Variants in PXDNL observed in about 807,000 individuals in gnomAD.
The protein encoded by PXDNL is peroxidasin like.
Under a neutral mutation model 150.8 loss-of-function variants are expected in PXDNL, and 145 were observed. The observed-to-expected ratio is 0.96, with a 90% CI of 0.84 to 1.10. PXDNL has a LOEUF of 1.10. Among genes scored for constraint, PXDNL ranks in the 50% least tolerant of loss-of-function variants. The pLI, the probability that PXDNL is intolerant of heterozygous loss-of-function variation, is 0.00. For missense variants in PXDNL, 2,087 were observed against 1,873.9 expected, an observed-to-expected ratio of 1.11 and a Z score of -2.10; for synonymous variants, 757 against 725.7, an observed-to-expected ratio of 1.04 and a Z score of -0.69.
At chr8:51,378,757 G>C (rs905028555) in intron 17 of PXDNL, among the ~76,000 whole-genome samples, 3 of 149,416 alleles carry the variant, frequency 2.0e-5, no homozygotes, top group Admixed American at 6.6e-5. Context: ...CACACGTGCG[G>C]CCTTAAGAGC....
At chr8:51,571,086 T>C (rs1290460829) in intron 3 of PXDNL, among the ~76,000 whole-genome samples, 4 of 149,904 alleles carry the variant, frequency 2.7e-5, no homozygotes, top group African/African-American at 1.0e-4. Context: ...TTATATCAGT[T>C]CTTTTTTTTT....
chr8:51,371,928 C>A lies in PXDNL; in HGVS notation c.3846G>T (p.Leu1282=). 1.9e-6 allele frequency: 3 copies of A among 1,614,002 alleles called. No individual in the cohort carries two copies. The highest frequency in any genetic ancestry group is 2.5e-6 in the Non-Finnish European group (3 of 1,179,900). The stretch of plus-strand genomic sequence containing the variant: ...CCACCTTCGGGATCTCGCTGCAGTT[C>A]AGGTAATCCTGTGGGTATTCTGCCT... ...FVKAEYPQDY[L]NCSEIPKVDL... Residue 1282 remains leucine (L), a synonymous_variant, in exon 19 of 23, where the codon CTG becomes CTT. Transcript: ENST00000356297.
At chr8:51,332,328 C>A (rs1031481628) in intron 21 of PXDNL, among the ~76,000 whole-genome samples, 2 of 152,162 alleles carry the variant, frequency 1.3e-5, no homozygotes, top group Admixed American at 6.5e-5. Flanking sequence ...ATCTGAACAA[C>A]AGCCTTCAGC....
At chr8:51,681,239 AC>A (rs149283993) in intron 1 of PXDNL, among the ~76,000 whole-genome samples, 4,263 of 151,812 alleles carry the variant, frequency 0.028, 222 homozygotes, top group African/African-American at 0.098. Context: ...CATCCCCAAG[AC>A]CCCAGCCCCC....
intron 17 of PXDNL, among the ~76,000 whole-genome samples, chr8:51,381,259 A>C (rs1341772643): frequency 1.3e-5 from 2 of 152,210 alleles, no homozygotes; most frequent in Non-Finnish European, 2.9e-5. Context: ...GCATATGTCA[A>C]AACTTTTTCT....
At chr8:51,410,570 G>A (rs189127139) in intron 16 of PXDNL, among the ~76,000 whole-genome samples, 8 of 152,268 alleles carry the variant, frequency 5.3e-5, no homozygotes, top group Admixed American at 2.0e-4. Context: ...ACCACGTCTC[G>A]GTTGATTTCC....
At chr8:51,543,571 G>C (rs959897854) in intron 4 of PXDNL, among the ~76,000 whole-genome samples, 4 of 152,054 alleles carry the variant, frequency 2.6e-5, no homozygotes, top group Admixed American at 2.0e-4. Flanking sequence ...AATTTGCCGG[G>C]CATGGTGGTG....
At chr8:51,658,367 G>A (rs1365986363) in intron 1 of PXDNL, among the ~76,000 whole-genome samples, 132 of 58,604 alleles carry the variant, frequency 2.3e-3, no homozygotes, top group East Asian at 4.0e-3. Flanking sequence ...AAAAAGAAAA[G>A]AAAAGGAAAA....
rs1181169729 is a variant in PXDNL at position 51,409,161 on chromosome 8, C to T, written c.2463G>A (p.Leu821=). ...EHDLDHTVPA[L]STARFSDGRP... Reference sequence around the variant, plus strand: ...GCCCATCCGAGAAGCGGGCTGTGCTCAGCGCAGGCACTGTGTGGTCCAAGT... The same window carrying T: ...GCCCATCCGAGAAGCGGGCTGTGCTTAGCGCAGGCACTGTGTGGTCCAAGT... The change falls in exon 17 of 23, where the codon CTG becomes CTA. Residue 821 remains leucine, a synonymous_variant. Coordinates refer to ENST00000356297, the MANE Select transcript of PXDNL (RefSeq NM_144651.5). 6.2e-7 allele frequency: 1 copy of T among 1,600,788 alleles called. No individual in the cohort carries two copies. The highest frequency in any genetic ancestry group is 1.1e-5 in the South Asian group (1 of 89,948).
intron 2 of PXDNL, among the ~76,000 whole-genome samples, chr8:51,627,377 T>C (rs913342819): frequency 9.9e-5 from 15 of 152,218 alleles, no homozygotes; most frequent in African/African-American, 3.6e-4. Flanking sequence ...TCCAATTTAC[T>C]GAAAATTTTA....
intron 1 of PXDNL, among the ~76,000 whole-genome samples, chr8:51,751,957 C>G (rs796291693): frequency 7.2e-5 from 11 of 152,146 alleles, no homozygotes; most frequent in African/African-American, 2.6e-4. Context: ...TGCAGATGAA[C>G]AGGGGAGGAA....
chr8:51,534,973 G>A (rs1205136253), intron 4 of PXDNL, among the ~76,000 whole-genome samples: 4 of 108,820 alleles, frequency 3.7e-5, no homozygotes, highest in Admixed American at 1.6e-4. Flanking sequence ...AGGTGGGGGG[G>A]TCAGCCCCCC....
intron 3 of PXDNL, among the ~76,000 whole-genome samples, chr8:51,580,915 A>T (rs1017019586): frequency 5.9e-5 from 9 of 152,240 alleles, no homozygotes; most frequent in East Asian, 1.9e-4. Flanking sequence ...CTCCATAGAT[A>T]TTTTTTTGCA....
chr8:51,368,912 CT>C (rs1807004320), intron 19 of PXDNL, among the ~76,000 whole-genome samples: 1 of 152,128 alleles, frequency 6.6e-6, no homozygotes, highest in Non-Finnish European at 1.5e-5. Flanking sequence ...AGGAGAATCA[CT>C]TGAACCTGGG....
intron 19 of PXDNL, among the ~76,000 whole-genome samples, chr8:51,359,911 G>T (rs552823382): frequency 2.0e-5 from 3 of 152,120 alleles, no homozygotes; most frequent in African/African-American, 7.2e-5. Flanking sequence ...GGAATCCTAT[G>T]CAAGTAAGAT....
At chr8:51,400,376 G>T (rs569691784) in intron 17 of PXDNL, among the ~76,000 whole-genome samples, 11 of 152,086 alleles carry the variant, frequency 7.2e-5, no homozygotes, top group African/African-American at 1.9e-4. Flanking sequence ...AAAAAATTTT[G>T]GATTTTTGAT....
At chr8:51,585,655 C>T (rs939990895) in intron 3 of PXDNL, among the ~76,000 whole-genome samples, 17 of 152,054 alleles carry the variant, frequency 1.1e-4, no homozygotes, top group Admixed American at 2.6e-4. Flanking sequence ...GCTAACTACA[C>T]GGAGACAGAA....
At position 51,655,568 on chromosome 8, in the gene PXDNL, G is replaced by A. The variant is rs530725961; in HGVS notation, c.165-808C>T. On this transcript the variant is annotated intron_variant, in intron 1 of 22. Coordinates refer to ENST00000356297, the MANE Select transcript of PXDNL (RefSeq NM_144651.5). Reference sequence around the variant, plus strand: ...AGAGCCCCTCTTTCAGTTGGAGAACGAGGCGCCCCACTCCATGTCATTATG... The same window carrying A: ...AGAGCCCCTCTTTCAGTTGGAGAACAAGGCGCCCCACTCCATGTCATTATG... Among the ~76,000 whole-genome samples, 8 of 152,170 alleles carry A rather than the reference G, an allele frequency of 5.3e-5. No individual in the cohort carries two copies. The South Asian group carries it at 6.2e-4, about 12-fold the overall frequency.
intron 1 of PXDNL, among the ~76,000 whole-genome samples, chr8:51,803,381 C>G (rs2037641471): frequency 1.3e-5 from 2 of 152,072 alleles, no homozygotes; most frequent in Non-Finnish European, 2.9e-5. Flanking sequence ...GCCTACCACA[C>G]AAAAAAACTC....
Sources: allele counts gnomAD v4.1 joint callset (sites outside exome capture counted in the v4.1 genomes callset), GRCh38; gene constraint gnomAD v4.1.1; transcripts MANE v1.5; gene names NCBI Gene and HGNC (gene_info 2026-07-23, HGNC 2026-07-21).